HS2ST1: variants seen among roughly 807,000 people sequenced by gnomAD.
HS2ST1 encodes the protein 2-O-sulfotransferase.
Under a neutral mutation model 42.9 loss-of-function variants are expected in HS2ST1, and 18 were observed. The observed-to-expected ratio is 0.42, with a 90% CI of 0.29 to 0.62. The LOEUF is 0.62. Ranked by LOEUF, HS2ST1 falls within the 20% of genes least tolerant of loss-of-function variation. HS2ST1 has a pLI of 0.21. For synonymous variants in HS2ST1, 146 were observed against 152.9 expected (o/e 0.95, Z 0.33); for missense variants, 334 against 433.8 (o/e 0.77, Z 2.04).
chr1:87,029,787 A>G (rs1408034957), intron 1 of HS2ST1, among the ~76,000 whole-genome samples: 1 of 152,184 alleles, frequency 6.6e-6, no homozygotes, highest in African/African-American at 2.4e-5. Context: ...ATGACTAGAA[A>G]AATTTATCCA....
chr1:87,058,037 T>G (rs1292071952), intron 1 of HS2ST1, among the ~76,000 whole-genome samples: 1 of 151,678 alleles, frequency 6.6e-6, no homozygotes, highest in Non-Finnish European at 1.5e-5. Flanking sequence ...TGTTTTAGCC[T>G]CGGGGTGAGT....
intron 1 of HS2ST1, among the ~76,000 whole-genome samples, chr1:86,981,310 C>T (rs531992004): frequency 6.6e-6 from 1 of 152,244 alleles, no homozygotes; most frequent in South Asian, 2.1e-4. Context: ...CCACCCCAGA[C>T]CCCTCCCAAA....
chr1:86,963,164 TA>T (rs1419587019), intron 1 of HS2ST1, among the ~76,000 whole-genome samples: 1 of 151,038 alleles, frequency 6.6e-6, no homozygotes, highest in African/African-American at 2.5e-5. Context: ...TTTTTTTTTG[TA>T]TTTTTTTTTT....
In HS2ST1 at chr1:87,103,563, G is replaced by C. The variant is rs556086689; in HGVS notation, c.818G>C (p.Arg273Thr). 9.3e-6 allele frequency: 15 copies of C among 1,610,944 alleles called. No homozygotes were observed. The highest frequency in any genetic ancestry group is 1.3e-5 in the Non-Finnish European group (15 of 1,178,780). Residue 273 changes from arginine to threonine, a missense_variant, in exon 6 of 7, where the codon AGG (arginine) becomes ACG (threonine). Arg to Thr is a moderately conservative substitution (Grantham distance 71, BLOSUM62 -1). Transcript: ENST00000370550. ...GAGGCAGCATTGCCCCGGTTTTTCA[G>C]GGGTGCTACTGAACTCTATCGCACA... Reference protein sequence around the residue: ...LLEAALPRFFRGATELYRTGK... With the variant: ...LLEAALPRFFTGATELYRTGK...
chr1:87,069,773 A>G (rs1196873899), intron 1 of HS2ST1, among the ~76,000 whole-genome samples: 1 of 152,192 alleles, frequency 6.6e-6, no homozygotes, highest in East Asian at 1.9e-4. Context: ...CCTTTTCATA[A>G]TTTAAGACAT....
At chr1:86,947,673 C>T (rs1474695674) in intron 1 of HS2ST1, among the ~76,000 whole-genome samples, 2 of 150,064 alleles carry the variant, frequency 1.3e-5, no homozygotes, top group Admixed American at 6.7e-5. Flanking sequence ...AGGCCAAATT[C>T]TGAATGCTAG....
intron 1 of HS2ST1, among the ~76,000 whole-genome samples, chr1:87,051,196 A>G (rs1396800194): frequency 3.9e-5 from 6 of 152,118 alleles, no homozygotes; most frequent in Non-Finnish European, 8.8e-5. Context: ...TCCTCCCCCA[A>G]AAAGTCACGT....
intron 1 of HS2ST1, among the ~76,000 whole-genome samples, chr1:87,010,710 T>C (rs561228326): frequency 1.3e-5 from 2 of 152,360 alleles, no homozygotes; most frequent in South Asian, 4.1e-4. Flanking sequence ...TATTTCTTAT[T>C]TATTTAAAAC....
At chr1:86,941,728 T>C (rs1229112444) in intron 1 of HS2ST1, among the ~76,000 whole-genome samples, 1 of 151,828 alleles carries the variant, frequency 6.6e-6, no homozygotes, top group Admixed American at 6.6e-5. Context: ...TGAGCCGAGA[T>C]TGCACCACTG....
intron 1 of HS2ST1, among the ~76,000 whole-genome samples, chr1:86,968,114 C>T (rs1054691006): frequency 1.3e-5 from 2 of 152,108 alleles, no homozygotes; most frequent in African/African-American, 4.8e-5. Context: ...ATGTCGTTTG[C>T]CCACTTATTG....
chr1:86,966,438 G>T (rs1397316624), intron 1 of HS2ST1, among the ~76,000 whole-genome samples: 2 of 152,056 alleles, frequency 1.3e-5, no homozygotes, highest in Non-Finnish European at 2.9e-5. Flanking sequence ...CTCTTAAATT[G>T]GAGTCTCTAA....
At chr1:86,919,005 G>A (rs1333172754) in intron 1 of HS2ST1, among the ~76,000 whole-genome samples, 3 of 149,016 alleles carry the variant, frequency 2.0e-5, no homozygotes, top group Non-Finnish European at 4.4e-5. Context: ...TTTGAGATGA[G>A]CCTTGCTGTC....
At chr1:86,932,915 A>G (rs1660573543) in intron 1 of HS2ST1, among the ~76,000 whole-genome samples, 1 of 152,206 alleles carries the variant, frequency 6.6e-6, no homozygotes, top group Non-Finnish European at 1.5e-5. Flanking sequence ...AGAAAATATA[A>G]TTGCTAAAAT....
intron 1 of HS2ST1, among the ~76,000 whole-genome samples, chr1:87,070,717 C>T (rs1373334812): frequency 1.3e-5 from 2 of 152,134 alleles, no homozygotes; most frequent in African/African-American, 4.8e-5. Flanking sequence ...ATTTATAAAG[C>T]ACTATTGATT....
intron 1 of HS2ST1, among the ~76,000 whole-genome samples, chr1:87,068,407 T>A (rs1227026344): frequency 4.6e-5 from 7 of 152,254 alleles, no homozygotes; most frequent in Non-Finnish European, 8.8e-5. Flanking sequence ...ACATTGATTT[T>A]GTATCCTGAG....
chr1:86,945,226 A>G (rs1647295526), intron 1 of HS2ST1, among the ~76,000 whole-genome samples: 1 of 152,178 alleles, frequency 6.6e-6, no homozygotes, highest in Admixed American at 6.5e-5. Context: ...AGGTGTGAAA[A>G]TGGAGTGCTC....
At chr1:87,085,157 A>G (rs1296324414) in intron 3 of HS2ST1, among the ~76,000 whole-genome samples, 3 of 152,292 alleles carry the variant, frequency 2.0e-5, no homozygotes, top group East Asian at 3.9e-4. Flanking sequence ...TCAAATCCAA[A>G]TGTTTTCCCT....
At chr1:87,042,121 C>A (rs1650538410) in intron 1 of HS2ST1, among the ~76,000 whole-genome samples, 1 of 152,046 alleles carries the variant, frequency 6.6e-6, no homozygotes, top group South Asian at 2.1e-4. Flanking sequence ...TGTGTGTCTT[C>A]TTTGGAGAAG....
At chr1:86,933,395 A>G (rs1660580825) in intron 1 of HS2ST1, among the ~76,000 whole-genome samples, 1 of 152,202 alleles carries the variant, frequency 6.6e-6, no homozygotes, top group African/African-American at 2.4e-5. Flanking sequence ...CTATCAACGT[A>G]TCTTCAAGTT....
Sources: allele counts gnomAD v4.1 joint callset (sites outside exome capture counted in the v4.1 genomes callset), GRCh38; gene constraint gnomAD v4.1.1; transcripts MANE v1.5; gene names NCBI Gene and HGNC (gene_info 2026-07-23, HGNC 2026-07-21).